Variants in THY1 observed in about 807,000 individuals in gnomAD.
THY1 encodes the protein Thy-1 cell surface antigen.
A neutral mutation model predicts 14.9 loss-of-function variants in THY1; 10 were observed. That is an observed-to-expected ratio of 0.67 (90% CI 0.41 to 1.14). The LOEUF (loss-of-function observed/expected upper bound fraction) is 1.14. Ranked by LOEUF, THY1 falls within the 50% of genes most tolerant of loss-of-function variation. The probability of loss-of-function intolerance (pLI) is 0.00; values close to 1 mark genes in which losing one functional copy is unlikely to be tolerated. For missense variants in THY1, 159 were observed against 202.1 expected, an observed-to-expected ratio of 0.79 and a Z score of 1.29; for synonymous variants, 80 against 90.0, an observed-to-expected ratio of 0.89 and a Z score of 0.63.
Position 119,417,650 on chromosome 11 carries a change from T to C in THY1, c.*1758A>G, listed in dbSNP as rs1027974287. 1.3e-5 allele frequency: 2 copies of C among 152,112 alleles called. No individual in the cohort carries two copies. The highest frequency in any genetic ancestry group is 4.8e-5 in the African/African-American group (2 of 41,428). 9.4% of individuals were successfully genotyped at this position (152,112 alleles called of 1,614,324 possible). A position where few individuals can be genotyped will look rare whatever the true frequency, so the allele number is the denominator to read the frequency against. On this transcript the variant is annotated 3_prime_UTR_variant, in exon 4 of 4. Coordinates refer to ENST00000284240, the MANE Select transcript of THY1 (RefSeq NM_006288.5). ...AGGAGCCAGGGATGGGCCTCAGTGT[T>C]CCCTCCCTACTCCCGAAGGGACAGT...
In THY1 at chr11:119,416,240, G is replaced by C. The variant is rs905047724; in HGVS notation, c.*3168C>G. On this transcript the variant is annotated 3_prime_UTR_variant, in exon 4 of 4. Transcript: ENST00000284240. ...ATGGACTTAGGTGCTGAAGGGGGGG[G>C]ACCCAGGAAAGAGGTTAGGACTGGC... is the stretch of plus-strand genomic sequence containing the variant. Among the ~76,000 whole-genome samples, 1 of 152,152 alleles carries C rather than the reference G, an allele frequency of 6.6e-6. No homozygotes were observed. Among genetic ancestry groups the C allele is most frequent in the African/African-American group, 2.4e-5 (1 of 41,430 alleles).
At position 119,419,078 on chromosome 11, in the gene THY1, C is replaced by T. The variant is rs191219058; in HGVS notation, c.*330G>A. 1.1e-4 allele frequency: 40 copies of T among 362,890 alleles called. 1 individual carries two copies. The Admixed American group carries it at 1.3e-3, about 12-fold the overall frequency. 22.5% of individuals were successfully genotyped at this position (362,890 alleles called of 1,614,324 possible). On this transcript the variant is annotated 3_prime_UTR_variant, in exon 4 of 4. Coordinates refer to ENST00000284240, the MANE Select transcript of THY1 (RefSeq NM_006288.5). ...TACCCCACCATCCCACTACCCCTCA[C>T]ATGCTCTCACTCTCCATCAGGTCCC...
At chr11:119,424,542 AG>A (rs1861981294), upstream of THY1, among the ~76,000 whole-genome samples, 4 of 152,166 alleles carry the variant, frequency 2.6e-5, no homozygotes, top group Admixed American at 2.6e-4. Context: ...CCCAGCATTT[AG>A]GGTGATGGAA....
chr11:119,420,580 T>G, intron 2 of THY1, 194 bp from the exon 3 acceptor site: 1 of 645,486 alleles, frequency 1.5e-6, no homozygotes, highest in Non-Finnish European at 2.6e-6. Flanking sequence ...GAGCCTTGGA[T>G]CCTATCAATG....
intron 1 of THY1, 188 bp from the exon 2 acceptor site, chr11:119,421,117 G>C: frequency 1.8e-6 from 1 of 543,766 alleles, no homozygotes; most frequent in South Asian, 2.8e-5. Context: ...GGAAAGCAAG[G>C]AAGGAGGGAG....
chr11:119,420,070 C>T lies in THY1; in HGVS notation c.354G>A (p.Gln118=). 6.2e-7 allele frequency: 1 copy of T among 1,613,356 alleles called. No individual in the cohort carries two copies. Among genetic ancestry groups the T allele is most frequent in the East Asian group, 2.2e-5 (1 of 44,890 alleles). Residue 118 remains glutamine (Q), a synonymous_variant, in exon 3 of 4, where the codon CAG becomes CAA. Coordinates refer to ENST00000284240, the MANE Select transcript of THY1 (RefSeq NM_006288.5). ...TCTCACCTCTGAGCACTGTGACGTT[C>T]TGGGAGGAGATGGGTGGGGAATGGC... ...HSGHSPPISS[Q]NVTVLRDKLV... is the part of the protein sequence containing the mutation.
In THY1 at chr11:119,417,021, C is replaced by G. The variant is rs373165027; in HGVS notation, c.*2387G>C. ...AGTGTCACACAGGTGCGAGGCTTCACACAGTGCCGCTCATTTCCTTCCAGA... is the reference window on the plus strand; with the variant it reads ...AGTGTCACACAGGTGCGAGGCTTCAGACAGTGCCGCTCATTTCCTTCCAGA... On this transcript the variant is annotated 3_prime_UTR_variant, in exon 4 of 4. Coordinates refer to ENST00000284240, the MANE Select transcript of THY1 (RefSeq NM_006288.5). Among the ~76,000 whole-genome samples the G allele has an allele frequency of 4.6e-5, 7 of 152,360 alleles. No individual in the cohort carries two copies. In the East Asian group the frequency reaches 1.3e-3, roughly 29 times the overall value.
In THY1 at chr11:119,420,058, C is replaced by T. The variant is rs1861865152; in HGVS notation, c.366G>A (p.Val122=). Residue 122 remains valine, a synonymous_variant, in exon 3 of 4, where the codon GTG becomes GTA. Transcript: ENST00000284240. ...GTTAGGGGCTTGTCTCACCTCTGAGCACTGTGACGTTCTGGGAGGAGATGG... is the reference window on the plus strand; with the variant it reads ...GTTAGGGGCTTGTCTCACCTCTGAGTACTGTGACGTTCTGGGAGGAGATGG... ...SPPISSQNVT[V]LRDKLVKCEG... 2 of 1,611,766 alleles carry T rather than the reference C, an allele frequency of 1.2e-6. No homozygotes were observed. The highest frequency in any genetic ancestry group is 1.7e-6 in the Non-Finnish European group (2 of 1,178,830).
intron 2 of THY1, 174 bp downstream of exon 2, chr11:119,420,695 A>G (rs372527350): frequency 1.0e-5 from 9 of 861,114 alleles, no homozygotes; most frequent in African/African-American, 5.1e-5. Context: ...CTGTGTTTTC[A>G]AAAACCACCT....
At chr11:119,424,094 G>C (rs1861972132), upstream of THY1, 1 of 152,246 alleles carries the variant, frequency 6.6e-6, no homozygotes, top group Non-Finnish European at 1.5e-5. Context: ...CAGCTCTCAA[G>C]GGTGAGCCAT....
intron 3 of THY1, 140 bp from the exon 4 acceptor site, chr11:119,419,660 G>A (rs773017400): frequency 2.4e-5 from 16 of 659,488 alleles, no homozygotes; most frequent in Non-Finnish European, 3.8e-5. Flanking sequence ...GGAACAGCCC[G>A]GTCTCACAGA....
Position 119,420,284 on chromosome 11 carries a change from G to T in THY1, c.140C>A (p.Pro47His). The T allele has an allele frequency of 1.2e-6, 2 of 1,614,246 alleles. No individual in the cohort carries two copies. The highest frequency in any genetic ancestry group is 2.2e-5 in the South Asian group (2 of 91,084). The change falls in exon 3 of 4, where the codon CCC becomes CAC. Residue 47 changes from proline (P) to histidine (H), a missense_variant. Transcript: ENST00000284240. The stretch of plus-strand genomic sequence containing the variant: ...GGTCAGGCTGAACTCGTACTGGATG[G>T]GTGAACTGCTGGTATTCTCATGGCG... ...DCRHENTSSS[P>H]IQYEFSLTRE...
chr11:119,423,383 G>A, upstream of THY1: 1 of 360,540 alleles, frequency 2.8e-6, no homozygotes, highest in Non-Finnish European at 5.5e-6. Flanking sequence ...TGGCAGGCCT[G>A]GCCAGGGACG....
rs1861758540 is a variant in THY1, at chr11:119,415,614, C to T, written c.*3794G>A. ...AGCCCCTTCCTGGTGCAGAGCCACA[C>T]TTGGCCTCCATGAAGCTGCCACATT... On this transcript the variant is annotated 3_prime_UTR_variant, in exon 4 of 4. Coordinates refer to ENST00000284240, the MANE Select transcript of THY1 (RefSeq NM_006288.5). Among the ~76,000 whole-genome samples, 1 of 152,250 alleles carries T rather than the reference C, an allele frequency of 6.6e-6. No homozygotes were observed. Among genetic ancestry groups the T allele is most frequent in the African/African-American group, 2.4e-5 (1 of 41,476 alleles).
chr11:119,420,881 G>A lies in THY1; in HGVS notation c.25C>T (p.Leu9Phe), dbSNP rs191290647. The change falls in exon 2 of 4, where the codon CTC (leucine) becomes TTC (phenylalanine). Residue 9 changes from leucine (L) to phenylalanine (F), a missense_variant. Transcript: ENST00000284240. MNLAISIA[L>F]LLTVLQVSRG... is the part of the protein sequence containing the mutation. Reference sequence around the variant, plus strand: ...CCATGCCGGGTACCTGTTAGCAGGAGAGCGATGCTGATGGCCAGGTTCATG... The same window carrying A: ...CCATGCCGGGTACCTGTTAGCAGGAAAGCGATGCTGATGGCCAGGTTCATG... The A allele has an allele frequency of 2.0e-5, 32 of 1,614,046 alleles. No homozygotes were observed. In the Admixed American group the frequency reaches 5.3e-4, roughly 27 times the overall value.
chr11:119,420,014 TC>T, intron 3 of THY1, 36 bp downstream of exon 3: 1 of 1,583,450 alleles, frequency 6.3e-7, no homozygotes, highest in Non-Finnish European at 8.6e-7. Context: ...AGCCTGGCTC[TC>T]CCAGCTCACT....
Position 119,422,620 on chromosome 11 carries a change from G to C in THY1, c.-25+493C>G, listed in dbSNP as rs1443014201. On this transcript the variant is annotated intron_variant, in intron 1 of 3. Coordinates refer to ENST00000284240, the MANE Select transcript of THY1 (RefSeq NM_006288.5). The surrounding 1 kb of genome is among the most constrained non-coding windows in gnomAD (Gnocchi z 7.0). ...CAGCTCTCCCCTCCCCCGTCCGCCC[G>C]CCTTCCACCCAGTCCCCGCCTGCGG... 5 of 146,642 alleles carry C rather than the reference G, an allele frequency of 3.4e-5. No individual in the cohort carries two copies. Among genetic ancestry groups the C allele is most frequent in the South Asian group, 3.5e-4 (2 of 5,678 alleles). The allele number at this position is 146,642 out of a possible 1,614,324, so 9.1% of individuals were successfully genotyped here.
intron 1 of THY1, among the ~76,000 whole-genome samples, chr11:119,421,437 C>T (rs1320035811): frequency 6.6e-6 from 1 of 152,166 alleles, no homozygotes; most frequent in Non-Finnish European, 1.5e-5. Flanking sequence ...CAAAGTAAAA[C>T]TCTGTATCTG....
intron 3 of THY1, 22 bp from the exon 4 acceptor site, chr11:119,419,542 G>A (rs770027605): frequency 2.5e-6 from 4 of 1,593,670 alleles, no homozygotes; most frequent in African/African-American, 1.3e-5. Flanking sequence ...GAAGGGGGCC[G>A]GGGGCAGGGT....
Sources: allele counts gnomAD v4.1 joint callset (sites outside exome capture counted in the v4.1 genomes callset), GRCh38; gene constraint gnomAD v4.1.1; non-coding constraint Gnocchi (gnomAD v3.1); transcripts MANE v1.5; gene names NCBI Gene and HGNC (gene_info 2026-07-23, HGNC 2026-07-21).